GINS2: variants seen among roughly 807,000 people sequenced by gnomAD.
GINS2 encodes DNA replication complex GINS protein PSF2.
In GINS2, 23 loss-of-function variants were observed where a neutral mutation model predicts 21.2. The observed-to-expected ratio is 1.08, with a 90% CI of 0.78 to 1.53. GINS2 has a LOEUF of 1.53. Among genes scored for constraint, GINS2 ranks in the 40% most tolerant of loss-of-function variants. The pLI, the probability that GINS2 is intolerant of heterozygous loss-of-function variation, is 0.00. For missense variants in GINS2, 323 were observed against 233.9 expected (o/e 1.38, Z -2.49); for synonymous variants, 118 against 85.6 (o/e 1.38, Z -2.09).
chr16:85,679,158 T>C (rs892232687), intron 3 of GINS2, among the ~76,000 whole-genome samples: 5 of 152,196 alleles, frequency 3.3e-5, no homozygotes, highest in African/African-American at 1.2e-4. Flanking sequence ...CTCAGCACTT[T>C]ACCTGGCATT....
chr16:85,676,424 T>C lies in GINS2; in HGVS notation c.*1788A>G, dbSNP rs762205670. 1.3e-5 allele frequency: 2 copies of C among 152,242 alleles called. No homozygotes were observed. The highest frequency in any genetic ancestry group is 2.9e-5 in the Non-Finnish European group (2 of 68,046). The allele number at this position is 152,242 out of a possible 1,614,324, so 9.4% of individuals were successfully genotyped here. A position where few individuals can be genotyped will look rare whatever the true frequency, so the allele number is the denominator to read the frequency against. On this transcript the variant is annotated 3_prime_UTR_variant, in exon 5 of 5. Transcript: ENST00000253462. ...GGCTGAGATGAAAGAACAAGTCCTA[T>C]GAGCTGAACCAAGTCTGAACAGCAC...
At position 85,687,495 on chromosome 16, in the gene GINS2, TTCTG is replaced by T. The variant is rs772865604; in HGVS notation, c.166_169del (p.Gln56AsnfsTer12). ...CCACTCTGGAGGGAGCAGGCGACAT[TTCTG>T]TCTTTGTTTCAGGTTAATCGCCAGC... On this transcript the variant is annotated frameshift_variant, in exon 2 of 5. Coordinates refer to ENST00000253462, the MANE Select transcript of GINS2 (RefSeq NM_016095.3). LOFTEE classifies it high-confidence loss of function. 2.5e-6 allele frequency: 4 copies of T among 1,594,090 alleles called. No individual in the cohort carries two copies. The highest frequency in any genetic ancestry group is 2.7e-5 in the African/African-American group (2 of 73,814).
intron 2 of GINS2, among the ~76,000 whole-genome samples, chr16:85,684,400 T>C (rs2053758407): frequency 6.6e-6 from 1 of 152,118 alleles, no homozygotes; most frequent in Admixed American, 6.6e-5. Flanking sequence ...GAGGCTGAGA[T>C]GGGAGGATCA....
intron 3 of GINS2, among the ~76,000 whole-genome samples, chr16:85,679,174 C>T (rs997577446): frequency 6.6e-6 from 1 of 152,198 alleles, no homozygotes; most frequent in African/African-American, 2.4e-5. Flanking sequence ...GCATTTCTAT[C>T]CTCACAAAAG....
Position 85,681,660 on chromosome 16 carries a change from T to G in GINS2, c.227A>C (p.Asp76Ala). The G allele has an allele frequency of 1.9e-6, 3 of 1,607,540 alleles. No individual in the cohort carries two copies. Among genetic ancestry groups the G allele is most frequent in the Non-Finnish European group, 2.6e-6 (3 of 1,174,234 alleles). Residue 76 changes from aspartate (D) to alanine (A), a missense_variant, in exon 3 of 5, where the codon GAT (aspartate) becomes GCT (alanine). By Grantham distance (126) the Asp-to-Ala change is moderately radical (BLOSUM62 -2). Coordinates refer to ENST00000253462, the MANE Select transcript of GINS2 (RefSeq NM_016095.3). Reference protein sequence around the residue: ...MDVEKLEKMRDHERKEETFTP... With the variant: ...MDVEKLEKMRAHERKEETFTP... ...AAAAGTTTCTTCCTTTCGTTCATGA[T>G]CCCTCATCTTCTCCAACTTTTCTGA...
chr16:85,685,166 T>A (rs778008825), intron 2 of GINS2, among the ~76,000 whole-genome samples: 1 of 152,182 alleles, frequency 6.6e-6, no homozygotes, highest in Non-Finnish European at 1.5e-5. Flanking sequence ...GACAGGTTAA[T>A]GGTGCCTCAC....
In GINS2 at chr16:85,678,603, A is replaced by G. The variant is rs373085831; in HGVS notation, c.369T>C (p.Thr123=). ...IRTLVKDMWD[T]RIAKLRVSAD... is the part of the protein sequence containing the mutation. The stretch of plus-strand genomic sequence containing the variant: ...CAGACACTCGGAGTTTGGCTATACG[A>G]GTGTCCCACATATCCTTGACCAGGG... Residue 123 remains threonine, a synonymous_variant, in exon 4 of 5, where the codon ACT becomes ACC. Coordinates refer to ENST00000253462, the MANE Select transcript of GINS2 (RefSeq NM_016095.3). 1.9e-5 allele frequency: 30 copies of G among 1,613,808 alleles called. No homozygotes were observed. Among genetic ancestry groups the G allele is most frequent in the Non-Finnish European group, 2.5e-5 (30 of 1,179,948 alleles).
rs368616450 is a variant in GINS2, at chr16:85,681,693, A to C, written c.206-12T>G. The C allele has an allele frequency of 2.0e-6, 3 of 1,489,692 alleles. No individual in the cohort carries two copies. The highest frequency in any genetic ancestry group is 2.8e-5 in the African/African-American group (2 of 72,388). 92.3% of individuals were successfully genotyped at this position (1,489,692 alleles called of 1,614,324 possible). On this transcript the variant is annotated splice_polypyrimidine_tract_variant and intron_variant, in intron 2 of 4. Coordinates refer to ENST00000253462, the MANE Select transcript of GINS2 (RefSeq NM_016095.3). ...CTTCTCCAACTTTTCTGAAATTTAGAAGTTAATACATTTTACCATCATTAT... is the reference window on the plus strand; with the variant it reads ...CTTCTCCAACTTTTCTGAAATTTAGCAGTTAATACATTTTACCATCATTAT...
chr16:85,686,032 C>G (rs757829673), intron 2 of GINS2, among the ~76,000 whole-genome samples: 1 of 151,890 alleles, frequency 6.6e-6, no homozygotes, highest in Non-Finnish European at 1.5e-5. Flanking sequence ...CTATAATAAG[C>G]TACTCATATC....
rs2053707113 is a variant in GINS2, at chr16:85,678,674, A to T, written c.306-8T>A. The T allele has an allele frequency of 1.2e-6, 2 of 1,612,842 alleles. No homozygotes were observed. The highest frequency in any genetic ancestry group is 1.3e-5 in the African/African-American group (1 of 75,044). On this transcript the variant is annotated splice_region_variant and splice_polypyrimidine_tract_variant and intron_variant, in intron 3 of 4. Coordinates refer to ENST00000253462, the MANE Select transcript of GINS2 (RefSeq NM_016095.3). ...GGGATGTTGTCTGAAGCACTAAAGG[A>T]GCAAGGGCTAAAGTCAGTCGGGGAA...
intron 2 of GINS2, among the ~76,000 whole-genome samples, chr16:85,682,374 G>A (rs1038518824): frequency 5.3e-5 from 8 of 152,076 alleles, no homozygotes; most frequent in Non-Finnish European, 8.8e-5. Flanking sequence ...TTTATACTAA[G>A]CCTTGTTCAG....
At chr16:85,681,256 T>C (rs1395832841) in intron 3 of GINS2, among the ~76,000 whole-genome samples, 2 of 152,202 alleles carry the variant, frequency 1.3e-5, no homozygotes. Context: ...TGTGAGATGC[T>C]GGTGGCTCAC....
intron 3 of GINS2, among the ~76,000 whole-genome samples, chr16:85,679,893 T>G (rs537941288): frequency 1.2e-4 from 19 of 152,138 alleles, no homozygotes; most frequent in Non-Finnish European, 2.2e-4. Flanking sequence ...ATTCCTCTGC[T>G]CCCATGAATG....
intron 1 of GINS2, chr16:85,687,799 T>C (rs770900245): frequency 2.9e-5 from 12 of 420,106 alleles, no homozygotes; most frequent in Non-Finnish European, 4.7e-5. Flanking sequence ...GCGGACAGGA[T>C]GCAAGTCTCC....
intron 2 of GINS2, among the ~76,000 whole-genome samples, chr16:85,686,373 G>A (rs957669629): frequency 4.0e-5 from 6 of 150,774 alleles, no homozygotes; most frequent in African/African-American, 1.2e-4. Context: ...AGCCGAGATC[G>A]CACCACTGCA....
At chr16:85,688,564 C>G (rs2053800042) in intron 1 of GINS2, among the ~76,000 whole-genome samples, 1 of 152,114 alleles carries the variant, frequency 6.6e-6, no homozygotes, top group Non-Finnish European at 1.5e-5. Context: ...AAAAACAAAC[C>G]AAAAAAGCCC....
rs929960382 is a variant in GINS2, at chr16:85,677,818, G to A, written c.*394C>T. 4 of 166,500 alleles carry A rather than the reference G, an allele frequency of 2.4e-5. No homozygotes were observed. Among genetic ancestry groups the A allele is most frequent in the Non-Finnish European group, 3.9e-5 (3 of 76,782 alleles). The allele number at this position is 166,500 out of a possible 1,614,324, so 10.3% of individuals were successfully genotyped here. ...AGCCCAAGAAATCAGGATCAAGAAGGGGTAAAAAGCCGTGGACCACATGGC... is the reference window on the plus strand; with the variant it reads ...AGCCCAAGAAATCAGGATCAAGAAGAGGTAAAAAGCCGTGGACCACATGGC... On this transcript the variant is annotated 3_prime_UTR_variant, in exon 5 of 5. Transcript: ENST00000253462.
At position 85,681,633 on chromosome 16, in the gene GINS2, G is replaced by T; in HGVS notation, c.254C>A (p.Thr85Asn). The T allele has an allele frequency of 6.2e-7, 1 of 1,612,900 alleles. No homozygotes were observed. The highest frequency in any genetic ancestry group is 1.1e-5 in the South Asian group (1 of 91,018). Residue 85 changes from threonine to asparagine, a missense_variant, in exon 3 of 5, where the codon ACC becomes AAC. Coordinates refer to ENST00000253462, the MANE Select transcript of GINS2 (RefSeq NM_016095.3). ...RDHERKEETF[T>N]PMPSPYYMEL... ...CATGTAGTAAGGGCTGGGCATTGGG[G>T]TAAAAGTTTCTTCCTTTCGTTCATG...
At chr16:85,681,003 G>C (rs888891104) in intron 3 of GINS2, among the ~76,000 whole-genome samples, 1 of 152,252 alleles carries the variant, frequency 6.6e-6, no homozygotes, top group Non-Finnish European at 1.5e-5. Flanking sequence ...GAGATGTGAA[G>C]AATGAATGGA....
Sources: gnomAD v4.1 joint callset for allele counts (sites outside exome capture counted in the v4.1 genomes callset) on GRCh38, gnomAD v4.1.1 for gene constraint, MANE v1.5 for transcripts, NCBI Gene and HGNC (gene_info 2026-07-23, HGNC 2026-07-21) for gene names.